The following TPP1 variants were observed in gnomAD, a reference collection of about 807,000 sequenced individuals.
TPP1 encodes the protein tripeptidyl peptidase 1, also known as tripeptidyl-peptidase 1.
A neutral mutation model predicts 67.6 loss-of-function variants in TPP1; 43 were observed. The ratio of observed to expected loss-of-function variants is 0.64; its 90% CI spans 0.50 to 0.82. The LOEUF is 0.82. Among genes scored for constraint, TPP1 ranks in the 40% least tolerant of loss-of-function variants. The pLI, the probability that TPP1 is intolerant of heterozygous loss-of-function variation, is 0.00. For missense variants in TPP1, 671 were observed against 710.9 expected (o/e 0.94, Z 0.64); for synonymous variants, 272 against 281.5 (o/e 0.97, Z 0.34).
chr11:6,615,758 C>T, intron 9 of TPP1, 196 bp from the exon 10 acceptor site: 1 of 796,324 alleles, frequency 1.3e-6, no homozygotes, highest in Non-Finnish European at 2.0e-6. Flanking sequence ...CTCTACAGAA[C>T]ACCCACCAAA....
chr11:6,617,528 G>A (rs1429415841), intron 4 of TPP1, 98 bp downstream of exon 4: 4 of 1,612,548 alleles, frequency 2.5e-6, no homozygotes, highest in East Asian at 4.5e-5. Flanking sequence ...CCATGCATTA[G>A]CTCCCACCCA....
At position 6,615,492 on chromosome 11, in the gene TPP1, A is replaced by G; in HGVS notation, c.1216T>C (p.Tyr406His). The change falls in exon 10 of 13, where the codon TAT becomes CAT. Residue 406 changes from tyrosine to histidine, a missense_variant. Tyr to His is a moderately conservative substitution (Grantham distance 83). Transcript: ENST00000299427. ...TTGCTGAAGCCACCACCACTGATATAGTCAACAATTTCATTTGTGATGAGG... is the reference window on the plus strand; with the variant it reads ...TTGCTGAAGCCACCACCACTGATATGGTCAACAATTTCATTTGTGATGAGG... ...PFLITNEIVD[Y>H]ISGGGFSNVF... The G allele has an allele frequency of 6.2e-7, 1 of 1,614,188 alleles. No homozygotes were observed. The highest frequency in any genetic ancestry group is 8.5e-7 in the Non-Finnish European group (1 of 1,180,046).
In TPP1 at chr11:6,616,337, A is replaced by G. The variant is rs1035964173; in HGVS notation, c.1053T>C (p.Gly351=). The part of the protein sequence containing the change: ...NTELMKAAAR[G]LTLLFASGDS... ...CACCTGAGGCGAAGAGCAGGGTGAG[A>G]CCCCGAGCGGCAGCCTTCATGAGCT... Residue 351 remains glycine, a synonymous_variant, in exon 8 of 13, where the codon GGT becomes GGC. Coordinates refer to ENST00000299427, the MANE Select transcript of TPP1 (RefSeq NM_000391.4). 3 of 1,613,184 alleles carry G rather than the reference A, an allele frequency of 1.9e-6. No homozygotes were observed. Among genetic ancestry groups the G allele is most frequent in the African/African-American group, 2.7e-5 (2 of 74,852 alleles).
At chr11:6,618,240 A>C (rs2134596931) in intron 3 of TPP1, 1 of 329,902 alleles carries the variant, frequency 3.0e-6, no homozygotes, top group African/African-American at 2.1e-5. Flanking sequence ...CAGCCTCTGC[A>C]GTTCACAAGC....
chr11:6,615,086 C>T, intron 11 of TPP1, 85 bp downstream of exon 11: 1 of 1,613,744 alleles, frequency 6.2e-7, no homozygotes, highest in Admixed American at 1.7e-5. Flanking sequence ...TCTAAGGAGT[C>T]AGGGGTTCTA....
chr11:6,612,990 C>T lies in TPP1; in HGVS notation c.*1556G>A, dbSNP rs1000448284. The T allele has an allele frequency of 6.6e-6, 1 of 152,644 alleles. No homozygotes were observed. Among genetic ancestry groups the T allele is most frequent in the Non-Finnish European group, 1.5e-5 (1 of 68,054 alleles). The allele number at this position is 152,644 out of a possible 1,614,324, so 9.5% of individuals were successfully genotyped here. A position where few individuals can be genotyped will look rare whatever the true frequency, so the allele number is the denominator to read the frequency against. ...GGAGGAAGGGCGTTAACATCTGCCA[C>T]CTACTTCCAGGTGCCAAGCACTGTT... On this transcript the variant is annotated 3_prime_UTR_variant, in exon 13 of 13. Transcript: ENST00000299427.
rs574361404 is a variant in TPP1 at position 6,615,797 on chromosome 11, G to A, written c.1145+208C>T. ...TCCACTAAAATGCCTGGGAACTGAC[G>A]AAAAGGAACAATGGGAGCTGTATCC... On this transcript the variant is annotated intron_variant, in intron 9 of 12. Coordinates refer to ENST00000299427, the MANE Select transcript of TPP1 (RefSeq NM_000391.4). The A allele has an allele frequency of 8.4e-5, 66 of 786,100 alleles. No individual in the cohort carries two copies. The South Asian group carries it at 1.0e-3, about 12-fold the overall frequency. 48.7% of individuals were successfully genotyped at this position (786,100 alleles called of 1,614,324 possible).
rs1225589661 is a variant in TPP1, at chr11:6,614,944, G to A, written c.1473C>T (p.His491=). ...GAGGGGGGCGGCCACTAAGGATCCT[G>A]TGCTCATTGATCAAGGATAGGATCC... ...FGGILSLINE[H]RILSGRPPLG... is the part of the protein sequence containing the mutation. The change falls in exon 12 of 13, where the codon CAC becomes CAT. Residue 491 remains histidine, a synonymous_variant. Coordinates refer to ENST00000299427, the MANE Select transcript of TPP1 (RefSeq NM_000391.4). The A allele has an allele frequency of 1.9e-6, 3 of 1,614,166 alleles. No individual in the cohort carries two copies. Among genetic ancestry groups the A allele is most frequent in the East Asian group, 2.2e-5 (1 of 44,884 alleles).
In TPP1 at chr11:6,618,787, G is replaced by A; in HGVS notation, c.218C>T (p.Ser73Phe). 1 of 1,613,920 alleles carries A rather than the reference G, an allele frequency of 6.2e-7. No individual in the cohort carries two copies. Among genetic ancestry groups the A allele is most frequent in the Non-Finnish European group, 8.5e-7 (1 of 1,180,036 alleles). The change falls in exon 3 of 13, where the codon TCT becomes TTT. Residue 73 changes from serine (S) to phenylalanine (F), a missense_variant. Physicochemically the swap from Ser to Phe is radical, Grantham distance 155. Coordinates refer to ENST00000299427, the MANE Select transcript of TPP1 (RefSeq NM_000391.4). ...ELVQAVSDPS[S>F]PQYGKYLTLE... ...GTCCCAAAAGGCACCGTATTGAGGA[G>A]AGCTGGGATCCGACACAGCCTGCAC...
intron 1 of TPP1, 47 bp downstream of exon 1, chr11:6,619,337 C>A: frequency 6.2e-7 from 1 of 1,614,154 alleles, no homozygotes; most frequent in Non-Finnish European, 8.5e-7. Flanking sequence ...CCAATGTGTG[C>A]TCCCTCCAAC....
At chr11:6,618,719 C>A in intron 3 of TPP1, 57 bp downstream of exon 3, 1 of 1,608,742 alleles carries the variant, frequency 6.2e-7, no homozygotes, top group Non-Finnish European at 8.5e-7. Context: ...CCATGCCCAA[C>A]CCAGCCCTGT....
chr11:6,618,304 T>C (rs1447068124), intron 3 of TPP1: 3 of 332,688 alleles, frequency 9.0e-6, no homozygotes, highest in East Asian at 1.6e-4. Flanking sequence ...CCAATCCATT[T>C]TGACTGTTGG....
rs886048533 is a variant in TPP1 at position 6,612,831 on chromosome 11, A to G, written c.*1715T>C. The G allele has an allele frequency of 6.6e-6, 1 of 152,608 alleles. No homozygotes were observed. Among genetic ancestry groups the G allele is most frequent in the African/African-American group, 2.4e-5 (1 of 41,416 alleles). The allele number at this position is 152,608 out of a possible 1,614,324, so 9.5% of individuals were successfully genotyped here. On this transcript the variant is annotated 3_prime_UTR_variant, in exon 13 of 13. Transcript: ENST00000299427. ...TCCTGAGCTAGGACCTGGGAACACA[A>G]AGTTAAATAGGACACGATTCTAGTC... is the stretch of plus-strand genomic sequence containing the variant.
At chr11:6,617,198 G>A in intron 5 of TPP1, 45 bp from the exon 6 acceptor site, 3 of 1,613,736 alleles carry the variant, frequency 1.9e-6, no homozygotes, top group Non-Finnish European at 2.5e-6. Context: ...AGACTGTAAT[G>A]CCCACCTTAC....
chr11:6,617,889 G>C, intron 3 of TPP1, 113 bp from the exon 4 acceptor site: 2 of 1,462,086 alleles, frequency 1.4e-6, no homozygotes, highest in East Asian at 4.5e-5. Context: ...CAGGGTAAAG[G>C]AGGGCTATGT....
chr11:6,614,922 G>T lies in TPP1; in HGVS notation c.1495C>A (p.Pro499Thr), dbSNP rs201126448. The T allele has an allele frequency of 3.8e-5, 62 of 1,614,158 alleles. No homozygotes were observed. Among genetic ancestry groups the T allele is most frequent in the South Asian group, 3.3e-4 (30 of 91,084 alleles). Residue 499 changes from proline (P) to threonine (T), a missense_variant, in exon 12 of 13, where the codon CCT (proline) becomes ACT (threonine). Coordinates refer to ENST00000299427, the MANE Select transcript of TPP1 (RefSeq NM_000391.4). The part of the protein sequence containing the change: ...NEHRILSGRP[P>T]LGFLNPRLYQ... The stretch of plus-strand genomic sequence containing the variant: ...AGCCTTGGGTTGAGAAAGCCAAGAG[G>T]GGGGCGGCCACTAAGGATCCTGTGC...
Position 6,617,374 on chromosome 11 carries a change from A to G in TPP1, c.435T>C (p.Pro145=), listed in dbSNP as rs188822344. The G allele has an allele frequency of 1.3e-5, 21 of 1,614,156 alleles. No homozygotes were observed. Among genetic ancestry groups the G allele is most frequent in the Non-Finnish European group, 1.8e-5 (21 of 1,180,024 alleles). Residue 145 remains proline, a synonymous_variant, in exon 5 of 13, where the codon CCT becomes CCC. Coordinates refer to ENST00000299427, the MANE Select transcript of TPP1 (RefSeq NM_000391.4). ...GGGACCTTACAACATGGGTTTCCGTAGGTCCTCCCACATAGTGATGAAACT... is the reference window on the plus strand; with the variant it reads ...GGGACCTTACAACATGGGTTTCCGTGGGTCCTCCCACATAGTGATGAAACT... ...GAEFHHYVGG[P]TETHVVRSPH...
intron 9 of TPP1, 39 bp downstream of exon 9, chr11:6,615,966 G>C: frequency 6.2e-7 from 1 of 1,602,874 alleles, no homozygotes; most frequent in Non-Finnish European, 8.5e-7. Flanking sequence ...ACAAGTGAAA[G>C]GTGGTGGTTA....
At chr11:6,616,602 G>A in intron 7 of TPP1, 59 bp downstream of exon 7, 1 of 1,611,814 alleles carries the variant, frequency 6.2e-7, no homozygotes, top group Non-Finnish European at 8.5e-7. Context: ...CCTTGAGGGA[G>A]CAGGGATCAA....
Sources: gnomAD v4.1 joint callset for allele counts on GRCh38, gnomAD v4.1.1 for gene constraint, MANE v1.5 for transcripts, NCBI Gene and HGNC (gene_info 2026-07-23, HGNC 2026-07-21) for gene names.